SLC22A24: variants seen among roughly 807,000 people sequenced by gnomAD.
SLC22A24 encodes steroid transmembrane transporter SLC22A24.
A neutral mutation model predicts 49.8 loss-of-function variants in SLC22A24; 53 were observed. The observed-to-expected ratio is 1.06, with a 90% CI of 0.85 to 1.34. The LOEUF (loss-of-function observed/expected upper bound fraction) is 1.34. SLC22A24 is among the 40% of genes most tolerant of loss of function. SLC22A24 has a pLI of 0.00. For synonymous variants in SLC22A24, 302 were observed against 256.4 expected (o/e 1.18, Z -1.70); for missense variants, 786 against 675.9 (o/e 1.16, Z -1.81).
At chr11:63,135,426 A>T (rs1470880806) in intron 1 of SLC22A24, among the ~76,000 whole-genome samples, 2 of 152,268 alleles carry the variant, frequency 1.3e-5, no homozygotes, top group Admixed American at 6.5e-5. Context: ...GCCTAACAGC[A>T]TTCCAAATAC....
chr11:63,119,451 G>T (rs919024098), intron 2 of SLC22A24, 116 bp from the exon 3 acceptor site: 1 of 980,588 alleles, frequency 1.0e-6, no homozygotes, highest in Non-Finnish European at 1.5e-6. Flanking sequence ...GGAACATGGT[G>T]CTTGACACCG....
chr11:63,091,977 T>C (rs528041085), intron 6 of SLC22A24, among the ~76,000 whole-genome samples: 17 of 152,292 alleles, frequency 1.1e-4, no homozygotes, highest in African/African-American at 4.1e-4. Flanking sequence ...TGTTTGCAGA[T>C]GACATGATTG....
At chr11:63,143,216 A>G (rs1429334942) in intron 1 of SLC22A24, among the ~76,000 whole-genome samples, 162 bp downstream of exon 1, 1 of 152,242 alleles carries the variant, frequency 6.6e-6, no homozygotes, top group East Asian at 1.9e-4. Context: ...TGTATCGTAG[A>G]GTATTAATAG....
chr11:63,133,281 C>T (rs531258652), intron 2 of SLC22A24, among the ~76,000 whole-genome samples: 1 of 152,310 alleles, frequency 6.6e-6, no homozygotes, highest in African/African-American at 2.4e-5. Flanking sequence ...GGTGAGGCGG[C>T]ACCCCACCCT....
chr11:63,109,261 G>A (rs1477459086), intron 4 of SLC22A24, among the ~76,000 whole-genome samples: 5 of 146,534 alleles, frequency 3.4e-5, no homozygotes, highest in East Asian at 2.0e-4. Context: ...GGACATTTGG[G>A]TTGGTTCCAA....
At chr11:63,084,118 C>A (rs116387635) in intron 6 of SLC22A24, among the ~76,000 whole-genome samples, 2,638 of 152,256 alleles carry the variant, frequency 0.017, 79 homozygotes, top group African/African-American at 0.06. Context: ...CAGAGAATCT[C>A]TAACTCTGAA....
At chr11:63,138,769 T>G (rs1483457082) in intron 1 of SLC22A24, among the ~76,000 whole-genome samples, 1 of 152,062 alleles carries the variant, frequency 6.6e-6, no homozygotes, top group Non-Finnish European at 1.5e-5. Flanking sequence ...AATGGTGGCC[T>G]GGGTTCAATT....
chr11:63,113,726 T>G (rs936611131), intron 4 of SLC22A24, among the ~76,000 whole-genome samples: 4 of 151,780 alleles, frequency 2.6e-5, no homozygotes, highest in African/African-American at 9.7e-5. Flanking sequence ...TAGTGGCACA[T>G]GCCTGTAGTC....
intron 2 of SLC22A24, among the ~76,000 whole-genome samples, chr11:63,127,469 T>C (rs966546206): frequency 2.8e-4 from 42 of 152,224 alleles, no homozygotes; most frequent in African/African-American, 9.9e-4. Flanking sequence ...AGTAGCATGA[T>C]TTATAATCCT....
intron 2 of SLC22A24, among the ~76,000 whole-genome samples, chr11:63,126,214 T>C (rs1327220084): frequency 6.6e-6 from 1 of 152,226 alleles, no homozygotes. Context: ...TTTGGTGTTG[T>C]AGATGTGAAG....
chr11:63,101,754 C>T (rs1010858630), intron 5 of SLC22A24, among the ~76,000 whole-genome samples: 5 of 152,066 alleles, frequency 3.3e-5, no homozygotes, highest in African/African-American at 4.8e-5. Context: ...ACTATTCAGC[C>T]ATAAAAAGAA....
At chr11:63,104,696 A>C (rs191264662) in intron 4 of SLC22A24, among the ~76,000 whole-genome samples, 1 of 152,246 alleles carries the variant, frequency 6.6e-6, no homozygotes, top group Non-Finnish European at 1.5e-5. Context: ...AAATCATCAG[A>C]TCTCATGAGA....
At chr11:63,088,952 G>A (rs536378440) in intron 6 of SLC22A24, among the ~76,000 whole-genome samples, 3 of 152,218 alleles carry the variant, frequency 2.0e-5, no homozygotes, top group Non-Finnish European at 2.9e-5. Flanking sequence ...CGATAAATTG[G>A]TGTCCCTGAA....
chr11:63,108,401 G>C (rs1443629767), intron 4 of SLC22A24, among the ~76,000 whole-genome samples: 1 of 152,038 alleles, frequency 6.6e-6, no homozygotes, highest in African/African-American at 2.4e-5. Flanking sequence ...TTCTTTTTTT[G>C]TTGTGTCTCT....
chr11:63,121,823 T>G (rs1314887357), intron 2 of SLC22A24, among the ~76,000 whole-genome samples: 1 of 152,162 alleles, frequency 6.6e-6, no homozygotes, highest in Non-Finnish European at 1.5e-5. Context: ...CGGAGTGTGA[T>G]GTTCCCCTTC....
At chr11:63,089,478 C>A (rs1407197863) in intron 6 of SLC22A24, among the ~76,000 whole-genome samples, 1 of 152,100 alleles carries the variant, frequency 6.6e-6, no homozygotes, top group Non-Finnish European at 1.5e-5. Flanking sequence ...GCAAAATATA[C>A]AGAGCAATAA....
chr11:63,113,215 CAT>C (rs374187950), intron 4 of SLC22A24, among the ~76,000 whole-genome samples: 4,486 of 7,440 alleles, frequency 0.6, 1,904 homozygotes, highest in East Asian at 0.9. Flanking sequence ...TATATATACA[CAT>C]ATATATATAT....
At chr11:63,087,021 G>GGCAC (rs1555045300) in intron 6 of SLC22A24, among the ~76,000 whole-genome samples, 3 of 113,646 alleles carry the variant, frequency 2.6e-5, no homozygotes, top group African/African-American at 9.4e-5. Flanking sequence ...CTGCCTGGAG[G>GGCAC]GCGCACACAC....
At chr11:63,103,398 A>G (rs926744465) in intron 5 of SLC22A24, among the ~76,000 whole-genome samples, 2 of 152,256 alleles carry the variant, frequency 1.3e-5, no homozygotes, top group African/African-American at 2.4e-5. Context: ...CACCTATTCT[A>G]TATTATAATG....
Sources: gnomAD v4.1 joint callset for allele counts (sites outside exome capture counted in the v4.1 genomes callset) on GRCh38, gnomAD v4.1.1 for gene constraint, MANE v1.5 for transcripts, NCBI Gene and HGNC (gene_info 2026-07-23, HGNC 2026-07-21) for gene names.